Variants in CCDC88A observed in about 807,000 individuals in gnomAD.
The protein encoded by CCDC88A is coiled-coil and HOOK domain protein 88A.
Under a neutral mutation model 234.3 loss-of-function variants are expected in CCDC88A, and 54 were observed. That is an observed-to-expected ratio of 0.23 (90% confidence interval 0.19 to 0.29). CCDC88A has a LOEUF of 0.29. Ranked by LOEUF, CCDC88A falls within the 10% of genes least tolerant of loss-of-function variation. The pLI is 1.00. For missense variants in CCDC88A, 1,832 were observed against 2,123.4 expected (o/e 0.86, Z 2.70); for synonymous variants, 753 against 737.8 (o/e 1.02, Z -0.33).
At chr2:55,407,719 ATTT>A (rs750235181) in intron 2 of CCDC88A, among the ~76,000 whole-genome samples, 2 of 138,504 alleles carry the variant, frequency 1.4e-5, no homozygotes, top group Non-Finnish European at 1.6e-5. Context: ...TTCTAGTTTA[ATTT>A]TTTTTTTTTT....
chr2:55,304,674 A>T (rs1358006464), intron 25 of CCDC88A, among the ~76,000 whole-genome samples: 1 of 152,200 alleles, frequency 6.6e-6, no homozygotes, highest in Non-Finnish European at 1.5e-5. Flanking sequence ...TTTGTGAATA[A>T]AAGTTAGGAT....
At position 55,291,691 on chromosome 2, in the gene CCDC88A, T is replaced by A. The variant is rs778450096; in HGVS notation, c.*20A>T. ...GGAAACTCACCACTTGGCCCACATG[T>A]CATGTAGTGGGTAATAGAATTAGGA... On this transcript the variant is annotated 3_prime_UTR_variant, in exon 32 of 33. Transcript: ENST00000436346. 5 of 1,528,710 alleles carry A rather than the reference T, an allele frequency of 3.3e-6. No homozygotes were observed. Among genetic ancestry groups the A allele is most frequent in the Non-Finnish European group, 4.5e-6 (5 of 1,108,722 alleles). The allele number at this position is 1,528,710 out of a possible 1,614,324, so 94.7% of individuals were successfully genotyped here.
intron 2 of CCDC88A, among the ~76,000 whole-genome samples, chr2:55,396,174 G>A (rs1415480859): frequency 1.3e-5 from 2 of 151,942 alleles, no homozygotes; most frequent in African/African-American, 2.4e-5. Context: ...CAAAAGCTTG[G>A]GCTAGTCAAG....
chr2:55,297,267 T>A (rs1316172951), intron 29 of CCDC88A: 1 of 29,494 alleles, frequency 3.4e-5, no homozygotes, highest in East Asian at 4.0e-3. Context: ...ATGTGTATTT[T>A]TATATATATT....
chr2:55,359,943 T>C (rs1334454506), intron 7 of CCDC88A, among the ~76,000 whole-genome samples: 1 of 152,072 alleles, frequency 6.6e-6, no homozygotes, highest in Non-Finnish European at 1.5e-5. Context: ...CAATCATGGA[T>C]TTAGGCAAAG....
At chr2:55,294,159 A>G (rs1180790054) in intron 31 of CCDC88A, 1 of 738,032 alleles carries the variant, frequency 1.4e-6, no homozygotes, top group Non-Finnish European at 1.7e-6. Context: ...TAAAAATACA[A>G]ATTTCCAACA....
chr2:55,405,619 G>C (rs1679419333), intron 2 of CCDC88A: 1 of 152,264 alleles, frequency 6.6e-6, no homozygotes, highest in South Asian at 2.1e-4. Context: ...CTGCATGGCA[G>C]GTGAGCGGTG....
At chr2:55,372,580 C>T (rs1461487873) in intron 4 of CCDC88A, 70 bp from the exon 5 acceptor site, 1 of 759,060 alleles carries the variant, frequency 1.3e-6, no homozygotes, top group South Asian at 1.7e-5. Flanking sequence ...TGGAGAATCA[C>T]TTCTAGAGGT....
chr2:55,357,701 C>A (rs555508138), intron 7 of CCDC88A, among the ~76,000 whole-genome samples: 1 of 152,092 alleles, frequency 6.6e-6, no homozygotes, highest in Non-Finnish European at 1.5e-5. Context: ...TATCTGCCTT[C>A]CCTGAATCAT....
At chr2:55,338,149 T>G (rs1248652246) in intron 13 of CCDC88A, among the ~76,000 whole-genome samples, 1 of 152,128 alleles carries the variant, frequency 6.6e-6, no homozygotes, top group Non-Finnish European at 1.5e-5. Flanking sequence ...AAAGCTAATT[T>G]CAAAAAGAAA....
chr2:55,373,544 A>C (rs1227824945), intron 4 of CCDC88A, among the ~76,000 whole-genome samples: 1 of 152,146 alleles, frequency 6.6e-6, no homozygotes, highest in Non-Finnish European at 1.5e-5. Context: ...ACTTCATACT[A>C]ATTATTACAT....
chr2:55,370,396 C>T (rs1328999291), intron 5 of CCDC88A, among the ~76,000 whole-genome samples: 2 of 152,020 alleles, frequency 1.3e-5, no homozygotes, highest in Admixed American at 1.3e-4. Flanking sequence ...AATCCCAGCA[C>T]GTTGGAAGGC....
At chr2:55,411,886 G>A (rs982104443) in intron 2 of CCDC88A, among the ~76,000 whole-genome samples, 1 of 151,420 alleles carries the variant, frequency 6.6e-6, no homozygotes, top group African/African-American at 2.4e-5. Flanking sequence ...CATGGACCAT[G>A]AAATCTTGCT....
chr2:55,365,233 T>A (rs1257750968), intron 5 of CCDC88A, among the ~76,000 whole-genome samples: 2 of 152,096 alleles, frequency 1.3e-5, no homozygotes, highest in Admixed American at 1.3e-4. Context: ...CTTAGTGGGT[T>A]TAAACTCAAG....
chr2:55,379,937 G>T (rs571562218), intron 3 of CCDC88A, among the ~76,000 whole-genome samples: 9 of 150,538 alleles, frequency 6.0e-5, no homozygotes, highest in Non-Finnish European at 1.3e-4. Flanking sequence ...AAATAAAAAA[G>T]CAGAGGCCAT....
rs1407388807 is a variant in CCDC88A, at chr2:55,288,463, T to C, written c.*2737A>G. On this transcript the variant is annotated 3_prime_UTR_variant, in exon 33 of 33. Transcript: ENST00000436346. ...CATTGTAATTCCAGATTTGGTACAG[T>C]ATCTTTTTCATTTCCTGACATAAAC... is the stretch of plus-strand genomic sequence containing the variant. The C allele has an allele frequency of 1.3e-5, 2 of 152,650 alleles. No homozygotes were observed. The highest frequency in any genetic ancestry group is 4.8e-5 in the African/African-American group (2 of 41,466). 9.5% of individuals were successfully genotyped at this position (152,650 alleles called of 1,614,324 possible).
Position 55,325,175 on chromosome 2 carries a change from T to C in CCDC88A, c.2998-2483A>G, listed in dbSNP as rs1450511246. On this transcript the variant is annotated intron_variant, in intron 17 of 32. Transcript: ENST00000436346. Reference sequence around the variant, plus strand: ...CTGGGGAAATCTGCCATTTTAACAATATTGAGTCTTCTAATTCATGAACAT... The same window carrying C: ...CTGGGGAAATCTGCCATTTTAACAACATTGAGTCTTCTAATTCATGAACAT... Among the ~76,000 whole-genome samples the C allele has an allele frequency of 2.0e-5, 3 of 152,226 alleles. No homozygotes were observed. The East Asian group carries it at 5.8e-4, about 29-fold the overall frequency.
intron 10 of CCDC88A, chr2:55,345,309 C>G (rs1350897621): frequency 6.6e-6 from 1 of 152,200 alleles, no homozygotes; most frequent in Non-Finnish European, 1.5e-5. Context: ...TGTATACTCC[C>G]TCCTTCTTAT....
intron 2 of CCDC88A, among the ~76,000 whole-genome samples, chr2:55,403,117 G>C (rs144013586): frequency 3.6e-4 from 54 of 152,068 alleles, no homozygotes; most frequent in South Asian, 1.7e-3. Flanking sequence ...TTTCATCATT[G>C]ACAACAAATA....
Sources: allele counts gnomAD v4.1 joint callset (sites outside exome capture counted in the v4.1 genomes callset), GRCh38; gene constraint gnomAD v4.1.1; transcripts MANE v1.5; gene names NCBI Gene and HGNC (gene_info 2026-07-23, HGNC 2026-07-21).